PNLDC1: variants seen among roughly 807,000 people sequenced by gnomAD.
PNLDC1 encodes PARN like ribonuclease domain containing exonuclease 1, also known as poly(A)-specific ribonuclease PNLDC1.
A neutral mutation model predicts 82.0 loss-of-function variants in PNLDC1; 70 were observed. That is an observed-to-expected ratio of 0.85 (90% CI 0.70 to 1.04). The LOEUF is 1.04. Among genes scored for constraint, PNLDC1 ranks in the 50% least tolerant of loss-of-function variants. PNLDC1 has a pLI of 0.00. For missense variants in PNLDC1, 631 were observed against 661.1 expected (o/e 0.95, Z 0.50); for synonymous variants, 280 against 249.3 (o/e 1.12, Z -1.16).
chr6:159,814,259 G>T (rs923135526), intron 12 of PNLDC1, among the ~76,000 whole-genome samples: 3 of 152,182 alleles, frequency 2.0e-5, no homozygotes, highest in Non-Finnish European at 4.4e-5. Context: ...GAGGCGTTTG[G>T]AACAGGGATG....
intron 15 of PNLDC1, among the ~76,000 whole-genome samples, chr6:159,818,148 C>A (rs1229449151): frequency 6.6e-6 from 1 of 152,198 alleles, no homozygotes; most frequent in African/African-American, 2.4e-5. Flanking sequence ...GCTCCCTGGA[C>A]AGAGGGGGCA....
At chr6:159,808,945 A>C in intron 8 of PNLDC1, 70 bp from the exon 9 acceptor site, 3 of 1,592,978 alleles carry the variant, frequency 1.9e-6, no homozygotes, top group Non-Finnish European at 2.6e-6. Context: ...TTGTTTAGAG[A>C]TGCAGAGCCA....
In PNLDC1 at chr6:159,819,189, C is replaced by G; in HGVS notation, c.1434-65C>G. 1.2e-6 allele frequency: 2 copies of G among 1,610,262 alleles called. No individual in the cohort carries two copies. Among genetic ancestry groups the G allele is most frequent in the Middle Eastern group, 1.7e-4 (1 of 6,056 alleles). ...ATCCCTGTATCTCTCTGACTCCACC[C>G]GCCTGATCACAGCAGGCGGCGCCAT... is the stretch of plus-strand genomic sequence containing the variant. On this transcript the variant is annotated intron_variant, in intron 17 of 18. Coordinates refer to ENST00000392167, the MANE Select transcript of PNLDC1 (RefSeq NM_001271862.2). The surrounding 1 kb of genome is among the most constrained non-coding windows in gnomAD (Gnocchi z 4.6).
At position 159,809,170 on chromosome 6, in the gene PNLDC1, T is replaced by C. The variant is rs761045194; in HGVS notation, c.783+12T>C. The C allele has an allele frequency of 6.2e-7, 1 of 1,613,236 alleles. No individual in the cohort carries two copies. The highest frequency in any genetic ancestry group is 1.1e-5 in the South Asian group (1 of 90,910). On this transcript the variant is annotated intron_variant, in intron 9 of 18. Transcript: ENST00000392167. ...TGAAAGCCCAGAAGGTAGGAAAACATGTCTCTTTTCTTGGCCTAAAGGCAG... is the reference window on the plus strand; with the variant it reads ...TGAAAGCCCAGAAGGTAGGAAAACACGTCTCTTTTCTTGGCCTAAAGGCAG...
intron 4 of PNLDC1, among the ~76,000 whole-genome samples, chr6:159,803,730 C>G (rs1378081671): frequency 6.6e-6 from 1 of 152,136 alleles, no homozygotes; most frequent in East Asian, 1.9e-4. Flanking sequence ...CCTGGCATCC[C>G]TGGGCAGCTT....
rs562476665 is a variant in PNLDC1 at position 159,801,737 on chromosome 6, C to A, written c.208+551C>A. On this transcript the variant is annotated intron_variant, in intron 3 of 18. Coordinates refer to ENST00000392167, the MANE Select transcript of PNLDC1 (RefSeq NM_001271862.2). ...ATGGAATTATAAGCGTGAGCAACCA[C>A]ACCTGGCCTGTGATTTTTTTTTCTT... 3.9e-5 allele frequency among the ~76,000 whole-genome samples: 6 copies of A among 151,982 alleles called. No individual in the cohort carries two copies. The East Asian group carries it at 7.7e-4, about 20-fold the overall frequency.
Position 159,800,330 on chromosome 6 carries a change from TCG to T in PNLDC1, c.24_25del (p.Phe8LeufsTer29). ...GCCATGGACGTGGGCGCCGACGAGT[TCG>T]AGGAGAGCCTCCCTCTGCTGCAGGA... On this transcript the variant is annotated frameshift_variant, in exon 1 of 19. Transcript: ENST00000392167. LOFTEE classifies it high-confidence loss of function. 6.5e-7 allele frequency: 1 copy of T among 1,547,876 alleles called. No homozygotes were observed. Among genetic ancestry groups the T allele is most frequent in the Admixed American group, 2.0e-5 (1 of 50,982 alleles).
chr6:159,820,169 T>A (rs142686344), intron 18 of PNLDC1, among the ~76,000 whole-genome samples: 66 of 152,264 alleles, frequency 4.3e-4, no homozygotes, highest in African/African-American at 1.5e-3. Flanking sequence ...TCAGTTGAGC[T>A]GGGTGAGGTT....
At position 159,816,068 on chromosome 6, in the gene PNLDC1, C is replaced by T. The variant is rs189025141; in HGVS notation, c.1060+35C>T. On this transcript the variant is annotated intron_variant, in intron 13 of 18. Transcript: ENST00000392167. ...CATGAGCCCATAATCCTTGCACAGT[C>T]GGCAGAGTGCTGAGGTGCTCAGCTG... 5,267 of 1,544,700 alleles carry T rather than the reference C, an allele frequency of 3.4e-3. 18 individuals are homozygous for T. The highest frequency in any genetic ancestry group is 3.8e-3 in the Non-Finnish European group (4,280 of 1,132,212).
In PNLDC1 at chr6:159,800,827, C is replaced by A; in HGVS notation, c.132C>A (p.Ile44=). Residue 44 remains isoleucine, a splice_region_variant and synonymous_variant, in exon 2 of 19, where the codon ATC becomes ATA. Transcript: ENST00000392167. ...LRSNLSGPQQ[I]SLFDLPSEWY... ...CTAACCTGTCTGGGCCCCAGCAGAT[C>A]AGGTAAAACTAAAGCTGTGTCCCCT... 1 of 1,614,158 alleles carries A rather than the reference C, an allele frequency of 6.2e-7. No individual in the cohort carries two copies. Among genetic ancestry groups the A allele is most frequent in the Non-Finnish European group, 8.5e-7 (1 of 1,180,018 alleles).
intron 11 of PNLDC1, 60 bp from the exon 12 acceptor site, chr6:159,813,541 G>A: frequency 6.7e-7 from 1 of 1,490,266 alleles, no homozygotes; most frequent in Non-Finnish European, 9.4e-7. Flanking sequence ...GGTACTGCCT[G>A]AAACAGAGAA....
chr6:159,818,443 A>C, intron 15 of PNLDC1, 112 bp from the exon 16 acceptor site: 3 of 917,132 alleles, frequency 3.3e-6, no homozygotes, highest in Non-Finnish European at 5.2e-6. Flanking sequence ...GGAGGGAGGG[A>C]GAGCCGTCCG....
rs945552386 is a variant in PNLDC1 at position 159,803,181 on chromosome 6, G to A, written c.209-90G>A. 125 of 1,231,328 alleles carry A rather than the reference G, an allele frequency of 1.0e-4. 2 individuals are homozygous for A. The South Asian group carries it at 1.3e-3, about 13-fold the overall frequency. 76.3% of individuals were successfully genotyped at this position (1,231,328 alleles called of 1,614,324 possible). ...TACAGCCCACATAGTATCTGTGGGCGCAAAGTACTGTTTGAGTTGTTTTTG... is the reference window on the plus strand; with the variant it reads ...TACAGCCCACATAGTATCTGTGGGCACAAAGTACTGTTTGAGTTGTTTTTG... On this transcript the variant is annotated intron_variant, in intron 3 of 18. Coordinates refer to ENST00000392167, the MANE Select transcript of PNLDC1 (RefSeq NM_001271862.2).
intron 3 of PNLDC1, 57 bp from the exon 4 acceptor site, chr6:159,803,214 A>G: frequency 6.5e-7 from 1 of 1,544,320 alleles, no homozygotes; most frequent in Non-Finnish European, 9.0e-7. Flanking sequence ...TTGTCTTTGT[A>G]GTGAAATTCA....
intron 1 of PNLDC1, 173 bp from the exon 2 acceptor site, chr6:159,800,599 C>G: frequency 6.5e-7 from 1 of 1,545,970 alleles, no homozygotes; most frequent in Non-Finnish European, 8.8e-7. Flanking sequence ...CCCCGTGCGC[C>G]CAGGTGCCTG....
chr6:159,806,090 A>C lies in PNLDC1; in HGVS notation c.562+7A>C. ...ACTCTTCCTGGGATCACTGGTAGGC[A>C]GGGCCTGTTCCTCCCAACGCAGGAG... On this transcript the variant is annotated splice_region_variant and intron_variant, in intron 7 of 18. Coordinates refer to ENST00000392167, the MANE Select transcript of PNLDC1 (RefSeq NM_001271862.2). 6.2e-7 allele frequency: 1 copy of C among 1,610,278 alleles called. No homozygotes were observed.
rs748985786 is a variant in PNLDC1 at position 159,800,828 on chromosome 6, A to G, written c.133A>G (p.Ser45Gly). 14 of 1,614,180 alleles carry G rather than the reference A, an allele frequency of 8.7e-6. No homozygotes were observed. In the South Asian group the frequency reaches 1.4e-4, roughly 16 times the overall value. Residue 45 changes from serine (S) to glycine (G), a missense_variant and splice_region_variant, in exon 2 of 19, where the codon AGT (serine) becomes GGT (glycine). Transcript: ENST00000392167. ...TAACCTGTCTGGGCCCCAGCAGATC[A>G]GGTAAAACTAAAGCTGTGTCCCCTC... Reference protein sequence around the residue: ...RSNLSGPQQISLFDLPSEWYL... With the variant: ...RSNLSGPQQIGLFDLPSEWYL...
At position 159,819,000 on chromosome 6, in the gene PNLDC1, G is replaced by A. The variant is rs201062377; in HGVS notation, c.1312G>A (p.Val438Ile). The part of the protein sequence containing the change: ...SIRPPILILS[V>I]KRWPGVSEQQ... ...CCGACCTCCCATCCTCATCCTCAGC[G>A]TCAAAAGGTGGCCTGGGGTCAGCGA... Residue 438 changes from valine (V) to isoleucine (I), a missense_variant, in exon 17 of 19, where the codon GTC becomes ATC. Coordinates refer to ENST00000392167, the MANE Select transcript of PNLDC1 (RefSeq NM_001271862.2). The A allele has an allele frequency of 2.0e-5, 32 of 1,613,892 alleles. No homozygotes were observed. The highest frequency in any genetic ancestry group is 1.6e-4 in the Middle Eastern group (1 of 6,084).
chr6:159,799,890 G>A (rs1781169601), upstream of PNLDC1, among the ~76,000 whole-genome samples: 1 of 152,174 alleles, frequency 6.6e-6, no homozygotes, highest in African/African-American at 2.4e-5. Flanking sequence ...TTAGAAGACC[G>A]TGAGCCGCAG....
Sources: allele counts gnomAD v4.1 joint callset (sites outside exome capture counted in the v4.1 genomes callset), GRCh38; gene constraint gnomAD v4.1.1; non-coding constraint Gnocchi (gnomAD v3.1); transcripts MANE v1.5; gene names NCBI Gene and HGNC (gene_info 2026-07-23, HGNC 2026-07-21).